The following GNAQ variants were observed in gnomAD, a reference collection of about 807,000 sequenced individuals.
The protein encoded by GNAQ is G protein subunit alpha q.
GNAQ carries 8 observed loss-of-function variants against 43.9 expected under a neutral mutation model. The observed-to-expected ratio is 0.18, with a 90% CI of 0.11 to 0.33. The LOEUF (loss-of-function observed/expected upper bound fraction) is 0.33. Among genes scored for constraint, GNAQ ranks in the 10% least tolerant of loss-of-function variants. The pLI, the probability that GNAQ is intolerant of heterozygous loss-of-function variation, is 1.00. For missense variants in GNAQ, 158 were observed against 450.8 expected (o/e 0.35, Z 5.88); for synonymous variants, 155 against 170.7 (o/e 0.91, Z 0.71).
At chr9:78,005,499 G>C (rs1823694342) in intron 1 of GNAQ, among the ~76,000 whole-genome samples, 1 of 152,186 alleles carries the variant, frequency 6.6e-6, no homozygotes, top group Admixed American at 6.5e-5. Context: ...ACTAACCAAA[G>C]GGTAAATAAC....
chr9:77,836,126 T>G (rs575294357), intron 2 of GNAQ, among the ~76,000 whole-genome samples: 1 of 152,094 alleles, frequency 6.6e-6, no homozygotes, highest in Non-Finnish European at 1.5e-5. Flanking sequence ...ACTGAAGACA[T>G]GGACTGGATG....
chr9:77,817,428 AGGAGGGAGGGAG>A (rs1012341681), intron 2 of GNAQ, among the ~76,000 whole-genome samples: 2 of 140,620 alleles, frequency 1.4e-5, no homozygotes, highest in East Asian at 5.1e-4. Context: ...AAGGAAGGGA[AGGAGGGAGGGAG>A]GGAGGGAGGA....
At position 77,720,143 on chromosome 9, in the gene GNAQ, C is replaced by G. The variant is rs1320568900; in HGVS notation, c.*1180G>C. 4.3e-6 allele frequency: 1 copy of G among 232,766 alleles called. No individual in the cohort carries two copies. The highest frequency in any genetic ancestry group is 2.2e-5 in the African/African-American group (1 of 45,294). 14.4% of individuals were successfully genotyped at this position (232,766 alleles called of 1,614,324 possible). On this transcript the variant is annotated 3_prime_UTR_variant, in exon 7 of 7. Transcript: ENST00000286548. ...AACACTAACAATGTCATCTTAAGGA[C>G]AAAGAAAAGAATGGACCGTGAGAAT...
rs7027687 is a variant in GNAQ, at chr9:77,848,065, A to G, written c.322-32295T>C. On this transcript the variant is annotated intron_variant, in intron 2 of 6. Transcript: ENST00000286548. The stretch of plus-strand genomic sequence containing the variant: ...CTAGGTAGGACCTCAGACAAATCAC[A>G]TAAGTGGTTTTCTGCTTCACTGTCT... 8.7e-3 allele frequency among the ~76,000 whole-genome samples: 1,323 copies of G among 152,322 alleles called. 17 individuals carry two copies. The highest frequency in any genetic ancestry group is 0.03 in the African/African-American group (1,252 of 41,578).
chr9:77,999,826 G>A (rs778911052), intron 1 of GNAQ, among the ~76,000 whole-genome samples: 4 of 152,108 alleles, frequency 2.6e-5, no homozygotes, highest in African/African-American at 4.8e-5. Flanking sequence ...TGGAAAACTG[G>A]AGGCCAATAA....
chr9:77,728,354 AAGAC>A (rs372293670), intron 6 of GNAQ, among the ~76,000 whole-genome samples, 156 bp downstream of exon 6: 2 of 152,336 alleles, frequency 1.3e-5, no homozygotes, highest in East Asian at 3.9e-4. Flanking sequence ...GTGTCACTAA[AAGAC>A]AGGGCAAACA....
chr9:77,753,299 A>C (rs1433752998), intron 5 of GNAQ, among the ~76,000 whole-genome samples: 1 of 152,032 alleles, frequency 6.6e-6, no homozygotes, highest in Non-Finnish European at 1.5e-5. Context: ...GCACACACAC[A>C]CACCCCCACC....
chr9:78,019,534 CACT>C (rs933617992), intron 1 of GNAQ, among the ~76,000 whole-genome samples: 3 of 152,210 alleles, frequency 2.0e-5, no homozygotes, highest in Non-Finnish European at 4.4e-5. Flanking sequence ...TTTGTTTCTG[CACT>C]ACTGAGTTTT....
At chr9:77,898,372 A>C (rs1474305293) in intron 2 of GNAQ, among the ~76,000 whole-genome samples, 3 of 152,218 alleles carry the variant, frequency 2.0e-5, no homozygotes, top group African/African-American at 7.2e-5. Flanking sequence ...AAAAAGTCTT[A>C]GGGAGCCATT....
chr9:77,994,223 G>C (rs550027910), intron 1 of GNAQ, among the ~76,000 whole-genome samples: 1 of 152,088 alleles, frequency 6.6e-6, no homozygotes, highest in Non-Finnish European at 1.5e-5. Flanking sequence ...ATGTTTTGTG[G>C]AGATGGGGTG....
chr9:77,945,894 T>C (rs1383988807), intron 1 of GNAQ, among the ~76,000 whole-genome samples: 1 of 152,212 alleles, frequency 6.6e-6, no homozygotes, highest in Non-Finnish European at 1.5e-5. Context: ...ACTGAAGTTA[T>C]GCGAATCACC....
chr9:77,967,913 G>A lies in GNAQ; in HGVS notation c.137-45568C>T, dbSNP rs535967594. Among the ~76,000 whole-genome samples the A allele has an allele frequency of 3.7e-4, 56 of 152,266 alleles. No homozygotes were observed. In the East Asian group the frequency reaches 4.1e-3, roughly 11 times the overall value. The stretch of plus-strand genomic sequence containing the variant: ...GAGAATCGCTTGAACTTGGGAGGCG[G>A]AGGTTGCAGTGAACCGAGATCATAC... On this transcript the variant is annotated intron_variant, in intron 1 of 6. Transcript: ENST00000286548.
At chr9:78,022,077 T>C (rs544590934) in intron 1 of GNAQ, among the ~76,000 whole-genome samples, 2 of 152,280 alleles carry the variant, frequency 1.3e-5, no homozygotes, top group East Asian at 3.9e-4. Flanking sequence ...AAGGCTTCAT[T>C]CACAGGCCCC....
chr9:77,791,680 A>G (rs1223125412), intron 5 of GNAQ, among the ~76,000 whole-genome samples: 1 of 152,208 alleles, frequency 6.6e-6, no homozygotes, highest in Non-Finnish European at 1.5e-5. Flanking sequence ...TAGAAATATT[A>G]AAAAGCAAAA....
At chr9:77,954,862 A>T (rs1248111924) in intron 1 of GNAQ, among the ~76,000 whole-genome samples, 1 of 152,196 alleles carries the variant, frequency 6.6e-6, no homozygotes, top group Non-Finnish European at 1.5e-5. Flanking sequence ...CAACACAATA[A>T]CAAAAACCTT....
At chr9:77,913,314 C>A (rs1156767051) in intron 2 of GNAQ, among the ~76,000 whole-genome samples, 1 of 149,674 alleles carries the variant, frequency 6.7e-6, no homozygotes, top group Non-Finnish European at 1.5e-5. Context: ...ATAATTATAA[C>A]AAATTATAGC....
chr9:77,757,946 T>G lies in GNAQ; in HGVS notation c.736-29279A>C, dbSNP rs189088330. Among the ~76,000 whole-genome samples the G allele has an allele frequency of 5.3e-5, 8 of 152,354 alleles. No individual in the cohort carries two copies. The East Asian group carries it at 1.5e-3, about 29-fold the overall frequency. On this transcript the variant is annotated intron_variant, in intron 5 of 6. Coordinates refer to ENST00000286548, the MANE Select transcript of GNAQ (RefSeq NM_002072.5). Reference sequence around the variant, plus strand: ...ACTGCTTTGAAATTTTAAAGCCTGCTAAATCCAGATATGCTCCTACGAGCA... The same window carrying G: ...ACTGCTTTGAAATTTTAAAGCCTGCGAAATCCAGATATGCTCCTACGAGCA...
At position 77,717,052 on chromosome 9, in the gene GNAQ, A is replaced by C. The variant is rs575362166; in HGVS notation, c.*4271T>G. On this transcript the variant is annotated 3_prime_UTR_variant, in exon 7 of 7. Transcript: ENST00000286548. ...ATCTCTAGCTAATCATATACAACTA[A>C]GCCATTTCTTTTCCTAATTTGATGG... is the stretch of plus-strand genomic sequence containing the variant. The C allele has an allele frequency of 2.1e-5, 5 of 232,816 alleles. No individual in the cohort carries two copies. In the Admixed American group the frequency reaches 2.2e-4, roughly 10 times the overall value. The allele number at this position is 232,816 out of a possible 1,614,324, so 14.4% of individuals were successfully genotyped here.
chr9:77,749,064 C>G (rs1825773308), intron 5 of GNAQ, among the ~76,000 whole-genome samples: 1 of 152,218 alleles, frequency 6.6e-6, no homozygotes. Flanking sequence ...AGCTTTGGCT[C>G]TAGACCTACC....
Sources: allele counts gnomAD v4.1 joint callset (sites outside exome capture counted in the v4.1 genomes callset), GRCh38; gene constraint gnomAD v4.1.1; transcripts MANE v1.5; gene names NCBI Gene and HGNC (gene_info 2026-07-23, HGNC 2026-07-21).